The following SYNE1 variants were observed in gnomAD, a reference collection of about 807,000 sequenced individuals.
SYNE1 encodes nesprin-1.
Under a neutral mutation model 1,111.0 loss-of-function variants are expected in SYNE1, and 616 were observed. That is an observed-to-expected ratio of 0.55 (90% CI 0.52 to 0.59). The LOEUF is 0.59. Ranked by LOEUF, SYNE1 falls within the 20% of genes least tolerant of loss-of-function variation. The pLI is 0.00. For missense variants in SYNE1, 10,006 were observed against 10,417.0 expected (o/e 0.96, Z 1.72); for synonymous variants, 3,855 against 3,825.8 (o/e 1.01, Z -0.28).
At chr6:152,592,827 C>T (rs140927630) in intron 3 of SYNE1, among the ~76,000 whole-genome samples, 37 of 152,282 alleles carry the variant, frequency 2.4e-4, no homozygotes, top group Middle Eastern at 3.4e-3. Flanking sequence ...TCATATCACA[C>T]CTTATATAAT....
At chr6:152,420,944 G>A (rs2098249459) in intron 39 of SYNE1, among the ~76,000 whole-genome samples, 1 of 152,046 alleles carries the variant, frequency 6.6e-6, no homozygotes, top group Non-Finnish European at 1.5e-5. Flanking sequence ...CTTAATGTAT[G>A]GTAATATAGT....
intron 13 of SYNE1, among the ~76,000 whole-genome samples, chr6:152,484,257 C>T (rs1323243066): frequency 1.3e-5 from 2 of 151,832 alleles, no homozygotes; most frequent in African/African-American, 4.8e-5. Context: ...AAGTTCAAGA[C>T]AAATATTCTT....
At chr6:152,394,124 G>A (rs1486300538) in intron 51 of SYNE1, among the ~76,000 whole-genome samples, 1 of 152,154 alleles carries the variant, frequency 6.6e-6, no homozygotes, top group African/African-American at 2.4e-5. Context: ...ATGGTTTCCA[G>A]CTTCATCTAT....
intron 112 of SYNE1, among the ~76,000 whole-genome samples, chr6:152,233,470 G>A (rs112836744): frequency 2.0e-4 from 31 of 152,070 alleles, no homozygotes; most frequent in Non-Finnish European, 3.5e-4. Flanking sequence ...GACTACAGGC[G>A]CACACCGCCA....
Position 152,149,571 on chromosome 6 carries a change from G to A in SYNE1, c.24548C>T (p.Ala8183Val), listed in dbSNP as rs1279684813. The A allele has an allele frequency of 4.3e-6, 7 of 1,613,954 alleles. No homozygotes were observed. Among genetic ancestry groups the A allele is most frequent in the South Asian group, 2.2e-5 (2 of 91,082 alleles). ...CTCATCTAGTTCCTCCTCGATGATC[G>A]CTGCATCCAAGGGCTCACTCTTTTC... ...LIEKSEPLDAAIIEEELDELR... is the reference protein window; with the variant it reads ...LIEKSEPLDAVIIEEELDELR... Residue 8183 changes from alanine to valine, a missense_variant, in exon 136 of 146, where the codon GCG (alanine) becomes GTG (valine). Transcript: ENST00000367255.
chr6:152,541,095 G>A (rs1313378480), intron 3 of SYNE1, among the ~76,000 whole-genome samples: 1 of 152,176 alleles, frequency 6.6e-6, no homozygotes, highest in Non-Finnish European at 1.5e-5. Flanking sequence ...GTAACAAGAG[G>A]AACTAATATA....
chr6:152,194,808 C>A (rs965110463), intron 127 of SYNE1, among the ~76,000 whole-genome samples: 2 of 152,262 alleles, frequency 1.3e-5, no homozygotes, highest in Admixed American at 6.5e-5. Flanking sequence ...TTCAGTATGT[C>A]AATTACATTT....
At chr6:152,381,805 T>TA (rs1464072632) in intron 55 of SYNE1, among the ~76,000 whole-genome samples, 2 of 152,130 alleles carry the variant, frequency 1.3e-5, no homozygotes, top group African/African-American at 4.8e-5. Context: ...GGTGGTGGCT[T>TA]AAATCACACT....
At chr6:152,535,945 T>C (rs2099233528) in intron 4 of SYNE1, among the ~76,000 whole-genome samples, 2 of 152,166 alleles carry the variant, frequency 1.3e-5, no homozygotes, top group African/African-American at 4.8e-5. Flanking sequence ...GCAAGGCCTA[T>C]GCTGTTAGGC....
intron 110 of SYNE1, among the ~76,000 whole-genome samples, chr6:152,235,148 C>T (rs6915679): frequency 0.76 from 114,891 of 152,122 alleles, 44,070 homozygotes; most frequent in East Asian, 0.89. Context: ...CCCTCCACCC[C>T]GCTGAATGCT....
intron 129 of SYNE1, among the ~76,000 whole-genome samples, chr6:152,178,821 A>G (rs1357460758): frequency 1.3e-5 from 2 of 152,024 alleles, no homozygotes; most frequent in Non-Finnish European, 2.9e-5. Flanking sequence ...AGATGGTGAT[A>G]TGTACTAATG....
Position 152,458,740 on chromosome 6 carries a change from A to G in SYNE1, c.2568+17T>C. 1 of 1,613,440 alleles carries G rather than the reference A, an allele frequency of 6.2e-7. No individual in the cohort carries two copies. Among genetic ancestry groups the G allele is most frequent in the Non-Finnish European group, 8.5e-7 (1 of 1,179,416 alleles). ...CATGCTTTAGAATAATTGTCTCCTG[A>G]AAAGGATTGTTCTCACCTGATGTTT... is the stretch of plus-strand genomic sequence containing the variant. On this transcript the variant is annotated intron_variant, in intron 22 of 145. Coordinates refer to ENST00000367255, the MANE Select transcript of SYNE1 (RefSeq NM_182961.4).
At chr6:152,486,012 T>C (rs185575326) in intron 12 of SYNE1, among the ~76,000 whole-genome samples, 7 of 152,116 alleles carry the variant, frequency 4.6e-5, no homozygotes, top group Non-Finnish European at 1.0e-4. Flanking sequence ...CTGGCCAACA[T>C]GGTGAAAGCC....
chr6:152,347,193 T>A lies in SYNE1; in HGVS notation c.11944A>T (p.Asn3982Tyr). Residue 3982 changes from asparagine to tyrosine, a missense_variant, in exon 73 of 146, where the codon AAT (asparagine) becomes TAT (tyrosine). This residue lies in a region of SYNE1 where 4,955 missense variants were observed against 5,017.2 expected (regional missense o/e 0.99). Transcript: ENST00000367255. Reference protein sequence around the residue: ...EIAGFEDRLNNLQMKGDTLIG... With the variant: ...EIAGFEDRLNYLQMKGDTLIG... ...AAAGTATCACCTTTCATTTGAAGAT[T>A]GTTCAAACGGTCTTCAAAACCAGCA... The A allele has an allele frequency of 6.2e-7, 1 of 1,614,234 alleles. No individual in the cohort carries two copies. Among genetic ancestry groups the A allele is most frequent in the Non-Finnish European group, 8.5e-7 (1 of 1,180,044 alleles).
chr6:152,600,324 A>G (rs2128634945), intron 3 of SYNE1, among the ~76,000 whole-genome samples: 1 of 152,362 alleles, frequency 6.6e-6, no homozygotes, highest in African/African-American at 2.4e-5. Context: ...ACACTGGGGT[A>G]TAAAATGTAT....
chr6:152,432,145 A>C (rs1382213117), intron 34 of SYNE1, among the ~76,000 whole-genome samples: 1 of 152,190 alleles, frequency 6.6e-6, no homozygotes, highest in Non-Finnish European at 1.5e-5. Context: ...ATATGTTCTT[A>C]TCATTTATCA....
chr6:152,313,450 A>G (rs1324252443), intron 87 of SYNE1, among the ~76,000 whole-genome samples: 5 of 150,266 alleles, frequency 3.3e-5, no homozygotes, highest in Non-Finnish European at 7.4e-5. Context: ...AAAAAACACA[A>G]TGGATTTTCT....
At chr6:152,420,486 G>A (rs982639242) in intron 39 of SYNE1, among the ~76,000 whole-genome samples, 5 of 152,050 alleles carry the variant, frequency 3.3e-5, no homozygotes. Context: ...CAGGTGTGCT[G>A]GTGCACACCT....
Position 152,409,078 on chromosome 6 carries a change from T to C in SYNE1, c.6530A>G (p.Lys2177Arg). 15 of 1,614,140 alleles carry C rather than the reference T, an allele frequency of 9.3e-6. No homozygotes were observed. The highest frequency in any genetic ancestry group is 1.3e-5 in the Non-Finnish European group (15 of 1,180,008). The change falls in exon 44 of 146, where the codon AAA (lysine) becomes AGA (arginine). Residue 2177 changes from lysine to arginine, a missense_variant. Physicochemically the swap from Lys to Arg is conservative, Grantham distance 26. Coordinates refer to ENST00000367255, the MANE Select transcript of SYNE1 (RefSeq NM_182961.4). Reference protein sequence around the residue: ...VKTDMESTVDKWLDVSEKLEE... With the variant: ...VKTDMESTVDRWLDVSEKLEE... The stretch of plus-strand genomic sequence containing the variant: ...AGGTGATTATCTTACATCCAGCCAT[T>C]TGTCCACGGTGCTCTCCATGTCTGT...
Sources: allele counts gnomAD v4.1 joint callset (sites outside exome capture counted in the v4.1 genomes callset), GRCh38; gene constraint gnomAD v4.1.1; regional missense constraint gnomAD v4.1.1; transcripts MANE v1.5; gene names NCBI Gene and HGNC (gene_info 2026-07-23, HGNC 2026-07-21).